Variants in EVA1C observed in about 807,000 individuals in gnomAD.
EVA1C encodes the protein protein eva-1 homolog C.
EVA1C carries 25 observed loss-of-function variants against 45.4 expected under a neutral mutation model. The observed-to-expected ratio is 0.55, with a 90% confidence interval of 0.40 to 0.77. The LOEUF (loss-of-function observed/expected upper bound fraction) is 0.77, where lower values mean the gene tolerates loss of function less well. Ranked by LOEUF, EVA1C falls within the 30% of genes least tolerant of loss-of-function variation. EVA1C has a pLI of 0.00. For synonymous variants in EVA1C, 190 were observed against 221.2 expected (o/e 0.86, Z 1.25); for missense variants, 479 against 554.8 (o/e 0.86, Z 1.37).
chr21:32,443,259 A>G (rs1460145116), intron 1 of EVA1C, among the ~76,000 whole-genome samples: 1 of 152,192 alleles, frequency 6.6e-6, no homozygotes, highest in Non-Finnish European at 1.5e-5. Flanking sequence ...TTTACAGTAC[A>G]TGGCAGGGTA....
chr21:32,464,413 A>G (rs2036104374), intron 3 of EVA1C, among the ~76,000 whole-genome samples: 1 of 152,232 alleles, frequency 6.6e-6, no homozygotes, highest in Non-Finnish European at 1.5e-5. Flanking sequence ...TGCCAGCAGC[A>G]GAGCTGGTGG....
chr21:32,440,248 C>G (rs192705072), intron 1 of EVA1C, among the ~76,000 whole-genome samples: 1 of 152,310 alleles, frequency 6.6e-6, no homozygotes, highest in African/African-American at 2.4e-5. Flanking sequence ...ATTAAGTTAT[C>G]AAATGCACTG....
chr21:32,479,039 C>G (rs1435084829), intron 4 of EVA1C, among the ~76,000 whole-genome samples: 2 of 152,238 alleles, frequency 1.3e-5, no homozygotes, highest in African/African-American at 4.8e-5. Context: ...TTCAGTTTCA[C>G]TGTTAAGTAA....
chr21:32,449,821 C>T (rs1357552557), intron 1 of EVA1C, among the ~76,000 whole-genome samples: 1 of 151,982 alleles, frequency 6.6e-6, no homozygotes, highest in Non-Finnish European at 1.5e-5. Context: ...CGGAATTTCA[C>T]CATGTTGGCC....
chr21:32,436,775 G>A (rs975156499), intron 1 of EVA1C, among the ~76,000 whole-genome samples: 10 of 152,264 alleles, frequency 6.6e-5, no homozygotes, highest in African/African-American at 1.9e-4. Context: ...CGGCAGACAC[G>A]CCATGGGGAG....
intron 3 of EVA1C, among the ~76,000 whole-genome samples, chr21:32,465,165 T>G (rs995662155): frequency 6.6e-6 from 1 of 152,246 alleles, no homozygotes; most frequent in Admixed American, 6.5e-5. Flanking sequence ...CAAAAATTGC[T>G]GGTTACAACT....
chr21:32,501,895 C>A (rs536887025), intron 6 of EVA1C, among the ~76,000 whole-genome samples: 5 of 152,208 alleles, frequency 3.3e-5, no homozygotes, highest in African/African-American at 1.2e-4. Context: ...TACCTCTGTA[C>A]ACACCACCTT....
chr21:32,514,862 G>A lies in EVA1C; in HGVS notation c.998G>A (p.Gly333Asp). ...CTGTTCGTGTCCAGTGTCTGCATCG[G>A]CCTGGCCCTCACACTGTGCGCCCTG... ...ALLFVSSVCI[G>D]LALTLCALVI... The change falls in exon 8 of 8, where the codon GGC (glycine) becomes GAC (aspartate). Residue 333 changes from glycine (G) to aspartate (D), a missense_variant. Gly to Asp is a moderately conservative substitution (Grantham distance 94). Around this residue, in one of 3 missense-constraint regions of EVA1C, gnomAD observed 366 missense variants for 426.1 expected, o/e 0.86. Coordinates refer to ENST00000300255, the MANE Select transcript of EVA1C (RefSeq NM_058187.5). The A allele has an allele frequency of 6.2e-7, 1 of 1,608,764 alleles. No individual in the cohort carries two copies. Among genetic ancestry groups the A allele is most frequent in the Non-Finnish European group, 8.5e-7 (1 of 1,177,200 alleles).
At position 32,453,517 on chromosome 21, in the gene EVA1C, T is replaced by G. The variant is rs758197948; in HGVS notation, c.357+9T>G. On this transcript the variant is annotated intron_variant, in intron 2 of 7. Transcript: ENST00000300255. Reference sequence around the variant, plus strand: ...CAGCCACCACCTTCCAGGTATTGCCTTTTGTAGACATGTTAAGATGATACA... The same window carrying G: ...CAGCCACCACCTTCCAGGTATTGCCGTTTGTAGACATGTTAAGATGATACA... The G allele has an allele frequency of 3.8e-6, 6 of 1,586,946 alleles. No individual in the cohort carries two copies. The highest frequency in any genetic ancestry group is 5.2e-6 in the Non-Finnish European group (6 of 1,158,426).
chr21:32,425,638 A>G (rs890556795), intron 1 of EVA1C, among the ~76,000 whole-genome samples: 1 of 152,180 alleles, frequency 6.6e-6, no homozygotes, highest in Non-Finnish European at 1.5e-5. Context: ...CAAAAATGCT[A>G]TATGCTCTTT....
At chr21:32,432,652 C>T (rs1169858402) in intron 1 of EVA1C, among the ~76,000 whole-genome samples, 2 of 148,692 alleles carry the variant, frequency 1.3e-5, no homozygotes, top group African/African-American at 4.9e-5. Flanking sequence ...GTTCCGTAAT[C>T]CTTCATCTAA....
chr21:32,495,847 T>C (rs1421869188), intron 5 of EVA1C, among the ~76,000 whole-genome samples: 1 of 152,238 alleles, frequency 6.6e-6, no homozygotes. Flanking sequence ...TTGACTGCCT[T>C]CTTTTTGTTG....
chr21:32,445,943 TA>T (rs780242315), intron 1 of EVA1C, among the ~76,000 whole-genome samples: 2 of 152,152 alleles, frequency 1.3e-5, no homozygotes, highest in South Asian at 4.2e-4. Flanking sequence ...GTGAAGCTGA[TA>T]AAAAAGAGTC....
At chr21:32,451,231 G>A (rs1480264992) in intron 1 of EVA1C, among the ~76,000 whole-genome samples, 3 of 152,100 alleles carry the variant, frequency 2.0e-5, no homozygotes, top group East Asian at 1.9e-4. Context: ...AGCAGGAATC[G>A]GGAAGTTCCT....
At chr21:32,412,566 C>A (rs1159372661), upstream of EVA1C, 11 of 336,572 alleles carry the variant, frequency 3.3e-5, no homozygotes, top group East Asian at 3.4e-4. Context: ...TCCCTACGGC[C>A]CCCCTCGCTT....
In EVA1C at chr21:32,515,039, G is replaced by A; in HGVS notation, c.1175G>A (p.Gly392Glu). Residue 392 changes from glycine (G) to glutamate (E), a missense_variant, in exon 8 of 8, where the codon GGG becomes GAG. Physicochemically the swap from Gly to Glu is moderately conservative, Grantham distance 98 (BLOSUM62 -2). This residue lies in a region of EVA1C where 366 missense variants were observed against 426.1 expected (regional missense o/e 0.86). Transcript: ENST00000300255. ...SESDFPGELS[G>E]FCRTSYPIYS... ...TCTGATTTCCCAGGGGAACTGTCGG[G>A]GTTCTGTAGGACTTCATATCCTATA... The A allele has an allele frequency of 6.2e-7, 1 of 1,614,172 alleles. No homozygotes were observed. The highest frequency in any genetic ancestry group is 2.2e-5 in the East Asian group (1 of 44,888).
intron 1 of EVA1C, among the ~76,000 whole-genome samples, chr21:32,446,713 C>T (rs2035375637): frequency 6.6e-6 from 1 of 152,116 alleles, no homozygotes; most frequent in African/African-American, 2.4e-5. Flanking sequence ...CCTGCTCCAC[C>T]CCACTTCCTA....
At position 32,453,501 on chromosome 21, in the gene EVA1C, C is replaced by T. The variant is rs776542598; in HGVS notation, c.350C>T (p.Thr117Ile). 13 of 1,602,310 alleles carry T rather than the reference C, an allele frequency of 8.1e-6. No homozygotes were observed. Among genetic ancestry groups the T allele is most frequent in the Non-Finnish European group, 1.0e-5 (12 of 1,171,742 alleles). The change falls in exon 2 of 8, where the codon ACC becomes ATC. Residue 117 changes from threonine to isoleucine, a missense_variant. Coordinates refer to ENST00000300255, the MANE Select transcript of EVA1C (RefSeq NM_058187.5). ...EDSLTCVAATTFQKVLDECQN... is the reference protein window; with the variant it reads ...EDSLTCVAATIFQKVLDECQN... ...AGCTTAACCTGTGTGGCAGCCACCA[C>T]CTTCCAGGTATTGCCTTTTGTAGAC...
intron 4 of EVA1C, among the ~76,000 whole-genome samples, chr21:32,472,318 C>T (rs111540073): frequency 0.013 from 1,965 of 152,138 alleles, 33 homozygotes; most frequent in Admixed American, 0.038. Flanking sequence ...GCCACCACAC[C>T]CAGCTAATTT....
Sources: gnomAD v4.1 joint callset for allele counts (sites outside exome capture counted in the v4.1 genomes callset) on GRCh38, gnomAD v4.1.1 for gene constraint, gnomAD v4.1.1 regional missense constraint, MANE v1.5 for transcripts, NCBI Gene and HGNC (gene_info 2026-07-23, HGNC 2026-07-21) for gene names.